The following RPL36 variants were observed in gnomAD, a reference collection of about 807,000 sequenced individuals.
The protein encoded by RPL36 is ribosomal protein L36.
For synonymous variants in RPL36, 74 were observed against 56.0 expected (o/e 1.32, Z -1.44); for missense variants, 131 against 144.9 (o/e 0.90, Z 0.49).
At chr19:5,691,501 G>A (rs763844304) in intron 3 of RPL36, 31 bp from the exon 4 acceptor site, 4 of 1,607,708 alleles carry the variant, frequency 2.5e-6, no homozygotes, top group South Asian at 1.1e-5. Flanking sequence ...GGGAGTCAGG[G>A]CCGGGCTGAC....
At chr19:5,691,214 A>C in intron 2 of RPL36, 105 bp from the exon 3 acceptor site, 1 of 1,551,138 alleles carries the variant, frequency 6.4e-7, no homozygotes, top group Non-Finnish European at 8.9e-7. Context: ...ACAGCTACCC[A>C]CAGAGGGGAG....
chr19:5,690,647 C>A, intron 2 of RPL36, 47 bp downstream of exon 2: 2 of 1,442,078 alleles, frequency 1.4e-6, no homozygotes, highest in Non-Finnish European at 1.9e-6. Context: ...TCTTGGAGGG[C>A]GGAGGGCATG....
chr19:5,691,580 G>A lies in RPL36; in HGVS notation c.277G>A (p.Val93Ile), dbSNP rs2054821212. The A allele has an allele frequency of 1.9e-6, 3 of 1,611,148 alleles. No individual in the cohort carries two copies. The highest frequency in any genetic ancestry group is 1.1e-5 in the South Asian group (1 of 90,986). The change falls in exon 4 of 4, where the codon GTA (valine) becomes ATA (isoleucine). Residue 93 changes from valine (V) to isoleucine (I), a missense_variant. By Grantham distance (29) the Val-to-Ile change is conservative (BLOSUM62 3). Coordinates refer to ENST00000347512, the MANE Select transcript of RPL36 (RefSeq NM_033643.3). ...GAGGAAGCGGGAGGAGCTGAGCAACGTACTGGCCGCCATGAGGAAAGCTGC... is the reference window on the plus strand; with the variant it reads ...GAGGAAGCGGGAGGAGCTGAGCAACATACTGGCCGCCATGAGGAAAGCTGC... Reference protein sequence around the residue: ...AKRKREELSNVLAAMRKAAAK... With the variant: ...AKRKREELSNILAAMRKAAAK...
At position 5,691,550 on chromosome 19, in the gene RPL36, G is replaced by C; in HGVS notation, c.247G>C (p.Ala83Pro). Residue 83 changes from alanine (A) to proline (P), a missense_variant, in exon 4 of 4, where the codon GCC (alanine) becomes CCC (proline). By Grantham distance (27) the Ala-to-Pro change is conservative (BLOSUM62 -1). Coordinates refer to ENST00000347512, the MANE Select transcript of RPL36 (RefSeq NM_033643.3). The stretch of plus-strand genomic sequence containing the variant: ...CTGGCAGGTGGGGACGCACATCCGC[G>C]CCAAGAGGAAGCGGGAGGAGCTGAG... ...IKKRVGTHIR[A>P]KRKREELSNV... 6.2e-7 allele frequency: 1 copy of C among 1,611,902 alleles called. No homozygotes were observed. The highest frequency in any genetic ancestry group is 8.5e-7 in the Non-Finnish European group (1 of 1,179,904).
At chr19:5,690,811 G>C (rs1156233161) in intron 2 of RPL36, 2 of 610,988 alleles carry the variant, frequency 3.3e-6, no homozygotes, top group African/African-American at 3.7e-5. Context: ...TGCAATCCAC[G>C]CTGGGGCAGA....
rs2054813524 is a variant in RPL36 at position 5,691,222 on chromosome 19, G to C, written c.94-97G>C. 4 of 1,569,234 alleles carry C rather than the reference G, an allele frequency of 2.5e-6. No homozygotes were observed. In the East Asian group the frequency reaches 6.7e-5, roughly 26 times the overall value. On this transcript the variant is annotated intron_variant, in intron 2 of 3. Transcript: ENST00000347512. The stretch of plus-strand genomic sequence containing the variant: ...GGTTCTCACAGCTACCCACAGAGGG[G>C]AGGAAGTAGCCAGGGAAATCGCGGC...
At position 5,690,619 on chromosome 19, in the gene RPL36, C is replaced by A; in HGVS notation, c.93+19C>A. Reference sequence around the variant, plus strand: ...CCGCGGGGTGAGTGCGGGTGCCGCGCGGAGGTTGTCGGGGGTTTCTTGGAG... The same window carrying A: ...CCGCGGGGTGAGTGCGGGTGCCGCGAGGAGGTTGTCGGGGGTTTCTTGGAG... On this transcript the variant is annotated intron_variant, in intron 2 of 3. Transcript: ENST00000347512. The A allele has an allele frequency of 6.5e-7, 1 of 1,544,168 alleles. No individual in the cohort carries two copies. Among genetic ancestry groups the A allele is most frequent in the South Asian group, 1.2e-5 (1 of 84,114 alleles).
At chr19:5,690,869 G>T in intron 2 of RPL36, 5 of 571,372 alleles carry the variant, frequency 8.8e-6, no homozygotes, top group Non-Finnish European at 1.6e-5. Flanking sequence ...GGGTTCTGAC[G>T]CAGGAGTAGG....
chr19:5,690,307 G>T lies in RPL36; in HGVS notation c.-23G>T, dbSNP rs568089287. The T allele has an allele frequency of 9.7e-6, 6 of 617,900 alleles. No individual in the cohort carries two copies. The African/African-American group carries it at 1.1e-4, about 11-fold the overall frequency. 38.3% of individuals were successfully genotyped at this position (617,900 alleles called of 1,614,324 possible). On this transcript the variant is annotated 5_prime_UTR_variant, in exon 1 of 4. Coordinates refer to ENST00000347512, the MANE Select transcript of RPL36 (RefSeq NM_033643.3). Reference sequence around the variant, plus strand: ...GCGCGGCGCCAGCCCTTCCGCCACGGCCGTCTCTGGAGAGCAGCAGGTAAG... The same window carrying T: ...GCGCGGCGCCAGCCCTTCCGCCACGTCCGTCTCTGGAGAGCAGCAGGTAAG...
At position 5,691,303 on chromosome 19, in the gene RPL36, C is replaced by G; in HGVS notation, c.94-16C>G. 6.2e-7 allele frequency: 1 copy of G among 1,612,312 alleles called. No individual in the cohort carries two copies. Among genetic ancestry groups the G allele is most frequent in the Non-Finnish European group, 8.5e-7 (1 of 1,180,022 alleles). On this transcript the variant is annotated splice_polypyrimidine_tract_variant and intron_variant, in intron 2 of 3. Coordinates refer to ENST00000347512, the MANE Select transcript of RPL36 (RefSeq NM_033643.3). ...AGGGATCCCCCTACCCTGACGGCCGCCCCTTTCCCCCCTAGCGTCTGACCA... is the reference window on the plus strand; with the variant it reads ...AGGGATCCCCCTACCCTGACGGCCGGCCCTTTCCCCCCTAGCGTCTGACCA...
At position 5,691,706 on chromosome 19, in the gene RPL36, T is replaced by C. The variant is rs2054824024; in HGVS notation, c.*85T>C. 1 of 1,384,128 alleles carries C rather than the reference T, an allele frequency of 7.2e-7. No homozygotes were observed. Among genetic ancestry groups the C allele is most frequent in the South Asian group, 1.2e-5 (1 of 80,600 alleles). 85.7% of individuals were successfully genotyped at this position (1,384,128 alleles called of 1,614,324 possible). On this transcript the variant is annotated 3_prime_UTR_variant, in exon 4 of 4. Coordinates refer to ENST00000347512, the MANE Select transcript of RPL36 (RefSeq NM_033643.3). ...TGCTGTCCGTGGGTGGGTGTGGGTG[T>C]GTCGGGGGCCCGCAGTCCCCTGTCT... is the stretch of plus-strand genomic sequence containing the variant.
rs769775103 is a variant in RPL36 at position 5,691,649 on chromosome 19, AAAG to A, written c.*31_*33del. On this transcript the variant is annotated 3_prime_UTR_variant, in exon 4 of 4. Transcript: ENST00000347512. ...CCCTCCCCTGCCCTCTCCCTGAAAT[AAAG>A]AACAGCTTGACAGAAGCCCTGGCTC... is the stretch of plus-strand genomic sequence containing the variant. 6 of 1,581,046 alleles carry A rather than the reference AAAG, an allele frequency of 3.8e-6. No homozygotes were observed. In the East Asian group the frequency reaches 9.1e-5, roughly 24 times the overall value.
In RPL36 at chr19:5,691,567, G is replaced by A. The variant is rs2054820925; in HGVS notation, c.264G>A (p.Glu88=). ...ACATCCGCGCCAAGAGGAAGCGGGA[G>A]GAGCTGAGCAACGTACTGGCCGCCA... ...GTHIRAKRKR[E]ELSNVLAAMR... is the part of the protein sequence containing the mutation. The change falls in exon 4 of 4, where the codon GAG becomes GAA. Residue 88 remains glutamate, a synonymous_variant. Coordinates refer to ENST00000347512, the MANE Select transcript of RPL36 (RefSeq NM_033643.3). The A allele has an allele frequency of 6.2e-7, 1 of 1,611,648 alleles. No homozygotes were observed. The highest frequency in any genetic ancestry group is 8.5e-7 in the Non-Finnish European group (1 of 1,179,880).
In RPL36 at chr19:5,691,729, T is replaced by C. The variant is rs1220255033; in HGVS notation, c.*108T>C. 3.4e-6 allele frequency: 4 copies of C among 1,193,414 alleles called. No homozygotes were observed. The African/African-American group carries it at 4.5e-5, about 14-fold the overall frequency. 73.9% of individuals were successfully genotyped at this position (1,193,414 alleles called of 1,614,324 possible). A position where few individuals can be genotyped will look rare whatever the true frequency, so the allele number is the denominator to read the frequency against. ...TGTGTCGGGGGCCCGCAGTCCCCTG[T>C]CTGGTGCCCGCTCTGAGCCACACCC... On this transcript the variant is annotated 3_prime_UTR_variant, in exon 4 of 4. Coordinates refer to ENST00000347512, the MANE Select transcript of RPL36 (RefSeq NM_033643.3).
At position 5,691,675 on chromosome 19, in the gene RPL36, C is replaced by T. The variant is rs1013324393; in HGVS notation, c.*54C>T. The T allele has an allele frequency of 1.4e-5, 22 of 1,531,778 alleles. No individual in the cohort carries two copies. The highest frequency in any genetic ancestry group is 7.1e-5 in the South Asian group (6 of 84,358). 94.9% of individuals were successfully genotyped at this position (1,531,778 alleles called of 1,614,324 possible). On this transcript the variant is annotated 3_prime_UTR_variant, in exon 4 of 4. Coordinates refer to ENST00000347512, the MANE Select transcript of RPL36 (RefSeq NM_033643.3). ...AAGAACAGCTTGACAGAAGCCCTGG[C>T]TCTCCTGCTGTCCGTGGGTGGGTGT...
intron 2 of RPL36, chr19:5,691,060 G>T (rs1218607002): frequency 3.4e-6 from 2 of 582,956 alleles, no homozygotes; most frequent in African/African-American, 3.7e-5. Context: ...GATTTCAGGT[G>T]TGTCAGTGTA....
At chr19:5,691,019 T>C (rs2054810611) in intron 2 of RPL36, 1 of 552,144 alleles carries the variant, frequency 1.8e-6, no homozygotes, top group Non-Finnish European at 3.3e-6. Flanking sequence ...CTCATGGAGC[T>C]GGCCCGAGGT....
chr19:5,690,841 C>T (rs1450531195), intron 2 of RPL36: 2 of 591,856 alleles, frequency 3.4e-6, no homozygotes, highest in Admixed American at 5.9e-5. Context: ...TTGAGAGCGG[C>T]GCGGGGCAGC....
At chr19:5,691,042 G>A in intron 2 of RPL36, 2 of 569,550 alleles carry the variant, frequency 3.5e-6, no homozygotes, top group Non-Finnish European at 6.3e-6. Context: ...CGGTGTGTGA[G>A]GTTGAGGGAT....
Sources: gnomAD v4.1 joint callset for allele counts on GRCh38, gnomAD v4.1.1 for gene constraint, MANE v1.5 for transcripts, NCBI Gene and HGNC (gene_info 2026-07-23, HGNC 2026-07-21) for gene names.